Variants in MAST2 observed in about 807,000 individuals in gnomAD.
The protein encoded by MAST2 is microtubule associated serine/threonine kinase 2, also known as microtubule-associated serine/threonine-protein kinase 2.
A neutral mutation model predicts 147.4 loss-of-function variants in MAST2; 70 were observed. The observed-to-expected ratio is 0.47, with a 90% CI of 0.39 to 0.58. The LOEUF (loss-of-function observed/expected upper bound fraction) is 0.58. MAST2 is among the 20% of genes least tolerant of loss of function. The pLI is 0.00. For synonymous variants in MAST2, 869 were observed against 896.8 expected (o/e 0.97, Z 0.55); for missense variants, 2,080 against 2,302.3 (o/e 0.90, Z 1.98).
intron 4 of MAST2, among the ~76,000 whole-genome samples, chr1:45,938,423 A>C (rs1307865638): frequency 6.6e-6 from 1 of 152,172 alleles, no homozygotes; most frequent in Non-Finnish European, 1.5e-5. Flanking sequence ...TCCTGGGCTC[A>C]GGGAATCCTC....
chr1:46,010,243 G>C (rs1645657757), intron 9 of MAST2, among the ~76,000 whole-genome samples: 2 of 152,196 alleles, frequency 1.3e-5, no homozygotes, highest in Non-Finnish European at 2.9e-5. Flanking sequence ...ACAGTTGGGA[G>C]GTCCAGTGGA....
Position 45,935,983 on chromosome 1 carries a change from G to T in MAST2, c.501-23403G>T, listed in dbSNP as rs546240199. On this transcript the variant is annotated intron_variant, in intron 4 of 28. Transcript: ENST00000361297. ...ACATTGAATCTGTAAATTGCTTTGGGCTGTATGGCCATTTTAACAATATTA... is the reference window on the plus strand; with the variant it reads ...ACATTGAATCTGTAAATTGCTTTGGTCTGTATGGCCATTTTAACAATATTA... Among the ~76,000 whole-genome samples the T allele has an allele frequency of 1.1e-4, 17 of 152,280 alleles. 1 individual carries two copies. In the South Asian group the frequency reaches 2.5e-3, roughly 22 times the overall value.
rs1028778451 is a variant in MAST2, at chr1:46,034,750, C to T, written c.4081C>T (p.Arg1361Trp). 3 of 1,613,766 alleles carry T rather than the reference C, an allele frequency of 1.9e-6. No homozygotes were observed. The highest frequency in any genetic ancestry group is 1.7e-6 in the Non-Finnish European group (2 of 1,180,002). The change falls in exon 29 of 29, where the codon CGG (arginine) becomes TGG (tryptophan). Residue 1361 changes from arginine (R) to tryptophan (W), a missense_variant. Around this residue, in one of 4 missense-constraint regions of MAST2, gnomAD observed 1,278 missense variants for 1,304.2 expected, o/e 0.98. Coordinates refer to ENST00000361297, the MANE Select transcript of MAST2 (RefSeq NM_015112.3). ...SPPPPTASPQ[R>W]SPSPLSGHVA... ...CCCACCCCCAACAGCTTCACCTCAG[C>T]GGTCCCCATCGCCCCTGTCTGGCCA...
intron 5 of MAST2, among the ~76,000 whole-genome samples, chr1:45,975,494 C>A (rs9919211): frequency 0.87 from 53,528 of 61,820 alleles, 22,667 homozygotes; most frequent in Middle Eastern, 0.91. Context: ...CCCTGTCTCT[C>A]CAAAAAAAAA....
intron 1 of MAST2, among the ~76,000 whole-genome samples, chr1:45,804,986 T>C (rs1303317633): frequency 6.6e-6 from 1 of 152,244 alleles, no homozygotes; most frequent in African/African-American, 2.4e-5. Flanking sequence ...CATCCATGAA[T>C]GTTTTAAGAC....
chr1:45,813,444 C>T (rs1043424942), intron 1 of MAST2, among the ~76,000 whole-genome samples: 8 of 151,854 alleles, frequency 5.3e-5, no homozygotes, highest in African/African-American at 1.9e-4. Context: ...ATTCTCCTGC[C>T]TCAGCCTCCC....
At chr1:45,896,019 T>C (rs903650136) in intron 4 of MAST2, among the ~76,000 whole-genome samples, 4 of 151,280 alleles carry the variant, frequency 2.6e-5, no homozygotes, top group African/African-American at 9.7e-5. Flanking sequence ...AAACAGACTT[T>C]CTTGAATGAC....
chr1:45,906,892 CTT>C (rs35617897), intron 4 of MAST2, among the ~76,000 whole-genome samples: 67,438 of 151,468 alleles, frequency 0.45, 15,203 homozygotes, highest in East Asian at 0.63. Context: ...CCATTTCTAT[CTT>C]TTACATGTAT....
chr1:45,896,108 A>G (rs1372533070), intron 4 of MAST2, among the ~76,000 whole-genome samples: 6 of 137,202 alleles, frequency 4.4e-5, no homozygotes, highest in Non-Finnish European at 7.9e-5. Context: ...TGGCACTGCA[A>G]CCTCTGCCTC....
chr1:45,826,474 T>C (rs1422178631), intron 2 of MAST2, among the ~76,000 whole-genome samples: 1 of 152,128 alleles, frequency 6.6e-6, no homozygotes, highest in Non-Finnish European at 1.5e-5. Context: ...CACCTCAGTC[T>C]CTTAAGTAGG....
intron 22 of MAST2, 53 bp from the exon 23 acceptor site, chr1:46,030,954 G>A (rs1646635860): frequency 1.5e-5 from 24 of 1,581,972 alleles, no homozygotes; most frequent in Non-Finnish European, 2.0e-5. Context: ...AGGAGACCTG[G>A]CAGGAGGAGG....
chr1:45,909,514 C>CTTTTTTTTTTTT (rs1049052815), intron 4 of MAST2, among the ~76,000 whole-genome samples: 1 of 143,176 alleles, frequency 7.0e-6, no homozygotes. Flanking sequence ...TCTATATCGT[C>CTTTTTTTTTTTT]TTTTTTTTTT....
rs74825897 is a variant in MAST2, at chr1:45,918,933, G to T, written c.500+36538G>T. On this transcript the variant is annotated intron_variant, in intron 4 of 28. Coordinates refer to ENST00000361297, the MANE Select transcript of MAST2 (RefSeq NM_015112.3). Reference sequence around the variant, plus strand: ...CACTCACAAGTTCGAGACCAGCCTGGGCAACATGGTGAAACCCCATCTCTA... The same window carrying T: ...CACTCACAAGTTCGAGACCAGCCTGTGCAACATGGTGAAACCCCATCTCTA... Among the ~76,000 whole-genome samples, 2,217 of 152,104 alleles carry T rather than the reference G, an allele frequency of 0.015. 106 individuals are homozygous for T. The East Asian group carries it at 0.19, about 13-fold the overall frequency.
chr1:45,893,625 A>T (rs1648233437), intron 4 of MAST2, among the ~76,000 whole-genome samples: 1 of 151,860 alleles, frequency 6.6e-6, no homozygotes, highest in Admixed American at 6.6e-5. Flanking sequence ...GACTGAAAAC[A>T]CTAAACTTTT....
chr1:45,942,922 A>G (rs1657516043), intron 4 of MAST2, among the ~76,000 whole-genome samples: 1 of 152,194 alleles, frequency 6.6e-6, no homozygotes, highest in African/African-American at 2.4e-5. Context: ...CCAAAGTGGC[A>G]TACTTTAGGA....
intron 5 of MAST2, among the ~76,000 whole-genome samples, chr1:45,974,135 A>G (rs138469164): frequency 2.0e-5 from 3 of 152,348 alleles, no homozygotes; most frequent in Non-Finnish European, 4.4e-5. Context: ...AATGGCTGGC[A>G]CAGTGTCCTT....
chr1:45,881,217 T>C (rs1343321646), intron 3 of MAST2, among the ~76,000 whole-genome samples: 3 of 152,110 alleles, frequency 2.0e-5, no homozygotes, highest in South Asian at 4.1e-4. Context: ...AAGAAAAAGA[T>C]GGAAAGAAAA....
intron 4 of MAST2, among the ~76,000 whole-genome samples, chr1:45,934,592 CT>C (rs2148742042): frequency 6.6e-6 from 1 of 152,244 alleles, no homozygotes; most frequent in African/African-American, 2.4e-5. Context: ...CACCCGACTA[CT>C]TTTTGTATTT....
intron 5 of MAST2, among the ~76,000 whole-genome samples, chr1:45,971,024 C>T (rs538618637): frequency 1.3e-5 from 2 of 152,118 alleles, no homozygotes; most frequent in Non-Finnish European, 2.9e-5. Flanking sequence ...AACAGACAAG[C>T]GATTTTAAAA....
Sources: allele counts gnomAD v4.1 joint callset (sites outside exome capture counted in the v4.1 genomes callset), GRCh38; gene constraint gnomAD v4.1.1; regional missense constraint gnomAD v4.1.1; transcripts MANE v1.5; gene names NCBI Gene and HGNC (gene_info 2026-07-23, HGNC 2026-07-21).